Variants in INPP4B observed in about 807,000 individuals in gnomAD.
INPP4B encodes the protein inositol polyphosphate 4-phosphatase type II.
In INPP4B, 55 loss-of-function variants were observed where a neutral mutation model predicts 122.5. That is an observed-to-expected ratio of 0.45 (90% CI 0.36 to 0.56). The LOEUF (loss-of-function observed/expected upper bound fraction) is 0.56, where lower values mean the gene tolerates loss of function less well. INPP4B is among the 20% of genes least tolerant of loss of function. The probability of loss-of-function intolerance (pLI) is 0.00; values close to 1 mark genes in which losing one functional copy is unlikely to be tolerated. For synonymous variants in INPP4B, 403 were observed against 388.7 expected (o/e 1.04, Z -0.43); for missense variants, 1,000 against 1,097.7 (o/e 0.91, Z 1.26).
In INPP4B at chr4:142,126,043, G is replaced by C. The variant is rs567770079; in HGVS notation, c.1721-1283C>G. Among the ~76,000 whole-genome samples, 87 of 152,032 alleles carry C rather than the reference G, an allele frequency of 5.7e-4. 1 individual carries two copies. Among genetic ancestry groups the C allele is most frequent in the Non-Finnish European group, 1.2e-3 (80 of 67,986 alleles). Reference sequence around the variant, plus strand: ...ATTTGTATGTCTAGATTTCTAACAGGCATCAATTATATAATTATGACTTTG... The same window carrying C: ...ATTTGTATGTCTAGATTTCTAACAGCCATCAATTATATAATTATGACTTTG... On this transcript the variant is annotated intron_variant, in intron 18 of 25. Transcript: ENST00000262992.
intron 5 of INPP4B, among the ~76,000 whole-genome samples, chr4:142,419,698 G>A (rs979808177): frequency 2.6e-5 from 4 of 152,122 alleles, no homozygotes; most frequent in African/African-American, 9.7e-5. Context: ...CAATAGAAAT[G>A]TAAGAGAACT....
At chr4:142,228,978 A>C (rs2149811358) in intron 12 of INPP4B, among the ~76,000 whole-genome samples, 1 of 151,860 alleles carries the variant, frequency 6.6e-6, no homozygotes, top group South Asian at 2.1e-4. Context: ...AATTGATGGA[A>C]GTAAAATTGA....
At position 142,794,839 on chromosome 4, in the gene INPP4B, T is replaced by C. The variant is rs114692648; in HGVS notation, c.-254+51370A>G. On this transcript the variant is annotated intron_variant, in intron 1 of 25. Coordinates refer to ENST00000262992, the MANE Select transcript of INPP4B (RefSeq NM_001101669.3). ...TGGGCAATGTAATTTGGAAAGCAAA[T>C]TGGTATTATGCAGTAAGATGTAAAT... 8.5e-3 allele frequency among the ~76,000 whole-genome samples: 1,291 copies of C among 151,994 alleles called. 26 individuals are homozygous for C. Among genetic ancestry groups the C allele is most frequent in the African/African-American group, 0.03 (1,229 of 41,510 alleles).
At chr4:142,093,414 A>T (rs1233067920) in intron 23 of INPP4B, among the ~76,000 whole-genome samples, 1 of 152,188 alleles carries the variant, frequency 6.6e-6, no homozygotes, top group Non-Finnish European at 1.5e-5. Context: ...AGTAAACTTG[A>T]GGTAGCTTGT....
intron 2 of INPP4B, among the ~76,000 whole-genome samples, chr4:142,510,787 T>C (rs1824613277): frequency 6.6e-6 from 1 of 152,224 alleles, no homozygotes; most frequent in South Asian, 2.1e-4. Context: ...GTTGAAACTT[T>C]AAAATGCATT....
intron 1 of INPP4B, among the ~76,000 whole-genome samples, chr4:142,783,796 T>C (rs1010486823): frequency 5.3e-5 from 8 of 152,108 alleles, no homozygotes; most frequent in African/African-American, 1.7e-4. Flanking sequence ...TTACCAATTA[T>C]TGAGGTGGGT....
chr4:142,164,786 A>G (rs1821891316), intron 16 of INPP4B, among the ~76,000 whole-genome samples: 1 of 151,248 alleles, frequency 6.6e-6, no homozygotes, highest in Non-Finnish European at 1.5e-5. Flanking sequence ...ACAGGGTCTC[A>G]CTATGTTGCC....
At chr4:142,047,280 T>C (rs368080004) in intron 25 of INPP4B, among the ~76,000 whole-genome samples, 3 of 143,808 alleles carry the variant, frequency 2.1e-5, no homozygotes, top group Non-Finnish European at 3.1e-5. Context: ...AGGGCACCAG[T>C]TTTTTTCTAT....
At chr4:142,501,479 A>G (rs924370474) in intron 2 of INPP4B, among the ~76,000 whole-genome samples, 2 of 152,192 alleles carry the variant, frequency 1.3e-5, no homozygotes, top group South Asian at 4.1e-4. Context: ...ACTGCCAGAA[A>G]CAAAAACAGT....
chr4:142,588,081 A>G (rs1171872077), intron 2 of INPP4B, among the ~76,000 whole-genome samples: 1 of 151,950 alleles, frequency 6.6e-6, no homozygotes, highest in Non-Finnish European at 1.5e-5. Context: ...ATTTTATCAA[A>G]TACAGAAAAA....
Position 142,178,594 on chromosome 4 carries a change from A to G in INPP4B, c.1182-4785T>C, listed in dbSNP as rs568322816. On this transcript the variant is annotated intron_variant, in intron 15 of 25. Coordinates refer to ENST00000262992, the MANE Select transcript of INPP4B (RefSeq NM_001101669.3). The stretch of plus-strand genomic sequence containing the variant: ...AATCTGTTTGCTCAACCAAGCTACT[A>G]TTTTATGCAGTGGAGCCATTAAAAA... Among the ~76,000 whole-genome samples, 26 of 152,242 alleles carry G rather than the reference A, an allele frequency of 1.7e-4. No homozygotes were observed. The South Asian group carries it at 5.2e-3, about 30-fold the overall frequency.
At chr4:142,628,630 T>A (rs1207340896) in intron 2 of INPP4B, among the ~76,000 whole-genome samples, 2 of 151,860 alleles carry the variant, frequency 1.3e-5, no homozygotes, top group Non-Finnish European at 2.9e-5. Flanking sequence ...CCTGCCATGA[T>A]TATTCCCATG....
chr4:142,383,202 C>G (rs1052951483), intron 7 of INPP4B, among the ~76,000 whole-genome samples: 14 of 152,054 alleles, frequency 9.2e-5, no homozygotes, highest in African/African-American at 3.4e-4. Context: ...CATTTATAAT[C>G]TTTGCACCTA....
intron 3 of INPP4B, among the ~76,000 whole-genome samples, chr4:142,437,128 T>C (rs1327284908): frequency 6.6e-6 from 1 of 151,764 alleles, no homozygotes; most frequent in Non-Finnish European, 1.5e-5. Context: ...CAAGTATCCA[T>C]AGCCAAGTAA....
chr4:142,709,771 A>G (rs762375755), intron 2 of INPP4B, among the ~76,000 whole-genome samples: 1 of 152,104 alleles, frequency 6.6e-6, no homozygotes, highest in Non-Finnish European at 1.5e-5. Context: ...CTTTCTTTTC[A>G]ACTTATTACC....
At chr4:142,506,413 T>C (rs1476644073) in intron 2 of INPP4B, among the ~76,000 whole-genome samples, 1 of 152,140 alleles carries the variant, frequency 6.6e-6, no homozygotes, top group Non-Finnish European at 1.5e-5. Flanking sequence ...TGGAGTTTTC[T>C]AGAAAACTTA....
At chr4:142,688,029 C>G (rs1192508959) in intron 2 of INPP4B, among the ~76,000 whole-genome samples, 2 of 152,188 alleles carry the variant, frequency 1.3e-5, no homozygotes, top group East Asian at 3.9e-4. Context: ...AAACACTATC[C>G]TCCCTACTCA....
intron 25 of INPP4B, among the ~76,000 whole-genome samples, chr4:142,068,750 G>A (rs922003747): frequency 7.9e-5 from 12 of 152,266 alleles, no homozygotes; most frequent in African/African-American, 2.9e-4. Flanking sequence ...ATTACATAAT[G>A]GTAAAGGGAT....
intron 1 of INPP4B, among the ~76,000 whole-genome samples, chr4:142,810,304 T>C (rs1779352069): frequency 6.6e-6 from 1 of 152,144 alleles, no homozygotes; most frequent in Non-Finnish European, 1.5e-5. Flanking sequence ...AAAGAATTTG[T>C]CATCAAACAT....
Sources: gnomAD v4.1 joint callset for allele counts (sites outside exome capture counted in the v4.1 genomes callset) on GRCh38, gnomAD v4.1.1 for gene constraint, MANE v1.5 for transcripts, NCBI Gene and HGNC (gene_info 2026-07-23, HGNC 2026-07-21) for gene names.